The following LRRC17 variants were observed in gnomAD, a reference collection of about 807,000 sequenced individuals.
LRRC17 encodes leucine-rich repeat-containing protein 17.
In LRRC17, 33 loss-of-function variants were observed where a neutral mutation model predicts 41.5. The ratio of observed to expected loss-of-function variants is 0.80; its 90% confidence interval spans 0.60 to 1.06. The LOEUF is 1.06. Among genes scored for constraint, LRRC17 ranks in the 50% least tolerant of loss-of-function variants. The pLI is 0.00. For missense variants in LRRC17, 491 were observed against 519.3 expected, an observed-to-expected ratio of 0.95 and a Z score of 0.53; for synonymous variants, 192 against 197.0, an observed-to-expected ratio of 0.97 and a Z score of 0.21.
intron 1 of LRRC17, among the ~76,000 whole-genome samples, chr7:102,915,356 T>C (rs920812689): frequency 1.3e-5 from 2 of 152,204 alleles, no homozygotes; most frequent in Non-Finnish European, 2.9e-5. Context: ...TTGCTACTAC[T>C]ATGTGAAATG....
intron 1 of LRRC17, among the ~76,000 whole-genome samples, chr7:102,921,186 C>T (rs1200073071): frequency 6.6e-6 from 1 of 151,962 alleles, no homozygotes; most frequent in East Asian, 1.9e-4. Flanking sequence ...GAAACATCAA[C>T]CAGCATAAAG....
At chr7:102,916,876 A>G (rs1815989350) in intron 1 of LRRC17, among the ~76,000 whole-genome samples, 1 of 151,982 alleles carries the variant, frequency 6.6e-6, no homozygotes, top group East Asian at 1.9e-4. Flanking sequence ...TACAATTCTT[A>G]TAGAAACTAC....
At chr7:102,940,798 T>C (rs1490863072) in intron 3 of LRRC17, among the ~76,000 whole-genome samples, 1 of 152,240 alleles carries the variant, frequency 6.6e-6, no homozygotes, top group African/African-American at 2.4e-5. Context: ...TGAGAATTAC[T>C]GCAATATTGA....
chr7:102,919,371 C>A (rs569063535), intron 1 of LRRC17, among the ~76,000 whole-genome samples: 2 of 152,004 alleles, frequency 1.3e-5, no homozygotes, highest in Non-Finnish European at 2.9e-5. Context: ...AAAATCGGAT[C>A]TAAAAATAAA....
chr7:102,925,308 T>C (rs376121202), intron 1 of LRRC17, among the ~76,000 whole-genome samples: 8 of 152,124 alleles, frequency 5.3e-5, no homozygotes, highest in African/African-American at 1.9e-4. Context: ...GGCGGGAGGA[T>C]TGTTTGAAGC....
At chr7:102,915,231 T>C (rs1253448537) in intron 1 of LRRC17, among the ~76,000 whole-genome samples, 1 of 151,870 alleles carries the variant, frequency 6.6e-6, no homozygotes, top group Non-Finnish European at 1.5e-5. Flanking sequence ...TTGTTCCCTT[T>C]AAAGATGTGA....
At chr7:102,941,345 T>C (rs1821382020) in intron 3 of LRRC17, among the ~76,000 whole-genome samples, 1 of 152,106 alleles carries the variant, frequency 6.6e-6, no homozygotes, top group African/African-American at 2.4e-5. Context: ...AGACCCTTTC[T>C]TGCAAGAAAA....
chr7:102,922,122 G>A lies in LRRC17; in HGVS notation c.-141+8977G>A, dbSNP rs377429012. Among the ~76,000 whole-genome samples, 20 of 152,006 alleles carry A rather than the reference G, an allele frequency of 1.3e-4. No individual in the cohort carries two copies. In the East Asian group the frequency reaches 1.4e-3, roughly 10 times the overall value. On this transcript the variant is annotated intron_variant, in intron 1 of 3. Transcript: ENST00000339431. ...GGAGACTTGCTTGAGCCCGCGAGGC[G>A]GAGGTTGCAGTGAGCTGAGGTCGTG...
Position 102,915,636 on chromosome 7 carries a change from G to A in LRRC17, c.-141+2491G>A, listed in dbSNP as rs139149890. On this transcript the variant is annotated intron_variant, in intron 1 of 3. Coordinates refer to ENST00000339431, the MANE Select transcript of LRRC17 (RefSeq NM_001031692.3). The stretch of plus-strand genomic sequence containing the variant: ...CTTTTGGCAGTCAGCTGAGGTCTCT[G>A]GCCCCTTTCTTGGCATAAAGTTTTT... Among the ~76,000 whole-genome samples the A allele has an allele frequency of 1.6e-3, 250 of 152,138 alleles. 2 individuals carry two copies. The highest frequency in any genetic ancestry group is 5.6e-3 in the African/African-American group (233 of 41,510).
rs1044557801 is a variant in LRRC17 at position 102,944,434 on chromosome 7, A to C, written c.1153A>C (p.Lys385Gln). Reference sequence around the variant, plus strand: ...GGAATGCAAAACGCCTGAAGAATACAAAGGATGGTCTGTGGGAAAATATAT... The same window carrying C: ...GGAATGCAAAACGCCTGAAGAATACCAAGGATGGTCTGTGGGAAAATATAT... ...GLECKTPEEY[K>Q]GWSVGKYIRS... Residue 385 changes from lysine to glutamine, a missense_variant, in exon 4 of 4, where the codon AAA becomes CAA. Physicochemically the swap from Lys to Gln is moderately conservative, Grantham distance 53. Coordinates refer to ENST00000339431, the MANE Select transcript of LRRC17 (RefSeq NM_001031692.3). 3.7e-6 allele frequency: 6 copies of C among 1,614,104 alleles called. No homozygotes were observed. The highest frequency in any genetic ancestry group is 2.5e-6 in the Non-Finnish European group (3 of 1,179,976).
At chr7:102,913,325 G>A in intron 1 of LRRC17, 180 bp downstream of exon 1, 1 of 1,344,866 alleles carries the variant, frequency 7.4e-7, no homozygotes, top group Non-Finnish European at 1.0e-6. Context: ...TCTTCTTGCA[G>A]ATGTTCAACA....
At chr7:102,915,263 G>A (rs1266148496) in intron 1 of LRRC17, among the ~76,000 whole-genome samples, 1 of 151,654 alleles carries the variant, frequency 6.6e-6, no homozygotes, top group African/African-American at 2.4e-5. Context: ...GAATACAGAA[G>A]TAACAGTATT....
At chr7:102,940,453 G>A (rs1821208027) in intron 3 of LRRC17, among the ~76,000 whole-genome samples, 1 of 151,390 alleles carries the variant, frequency 6.6e-6, no homozygotes, top group Non-Finnish European at 1.5e-5. Context: ...CTCATGATCC[G>A]CCCACCTCAG....
intron 2 of LRRC17, among the ~76,000 whole-genome samples, chr7:102,936,637 C>T (rs766325980): frequency 1.3e-5 from 2 of 152,186 alleles, no homozygotes; most frequent in Non-Finnish European, 2.9e-5. Flanking sequence ...TACAAAGCTA[C>T]TCTCCTAGAT....
intron 1 of LRRC17, among the ~76,000 whole-genome samples, chr7:102,918,798 C>A (rs1218452291): frequency 6.6e-6 from 1 of 152,174 alleles, no homozygotes; most frequent in East Asian, 1.9e-4. Flanking sequence ...GCTCCCAAAT[C>A]ATCTACTTTG....
intron 1 of LRRC17, among the ~76,000 whole-genome samples, chr7:102,915,124 T>TA (rs778077563): frequency 1.3e-4 from 18 of 137,846 alleles, no homozygotes; most frequent in African/African-American, 5.0e-4. Context: ...ATTAAAATAT[T>TA]TTTTTTTTTT....
Position 102,944,361 on chromosome 7 carries a change from C to T in LRRC17, c.1080C>T (p.Tyr360=), listed in dbSNP as rs149088317. 3.7e-6 allele frequency: 6 copies of T among 1,613,972 alleles called. No individual in the cohort carries two copies. Among genetic ancestry groups the T allele is most frequent in the Non-Finnish European group, 4.2e-6 (5 of 1,179,970 alleles). ...GGAGATGTGACTACAACATTCACTACCTCTACTACTGGTTAAAGCACCACT... is the reference window on the plus strand; with the variant it reads ...GGAGATGTGACTACAACATTCACTATCTCTACTACTGGTTAAAGCACCACT... The part of the protein sequence containing the change: ...NPWRCDYNIH[Y]LYYWLKHHYN... Residue 360 remains tyrosine, a synonymous_variant, in exon 4 of 4, where the codon TAC becomes TAT. Transcript: ENST00000339431.
Position 102,933,961 on chromosome 7 carries a change from T to C in LRRC17, c.48T>C (p.Ala16=). 1 of 1,613,720 alleles carries C rather than the reference T, an allele frequency of 6.2e-7. No homozygotes were observed. The highest frequency in any genetic ancestry group is 8.5e-7 in the Non-Finnish European group (1 of 1,179,724). The change falls in exon 2 of 4, where the codon GCT becomes GCC. Residue 16 remains alanine (A), a synonymous_variant. Coordinates refer to ENST00000339431, the MANE Select transcript of LRRC17 (RefSeq NM_001031692.3). ...IVILLCFCKA[A]ELRKASPGSV... ...TCTTGCTCTGCTTTTGCAAAGCGGC[T>C]GAGCTGCGCAAAGCAAGCCCAGGCA...
intron 1 of LRRC17, chr7:102,931,978 G>A: frequency 1.3e-6 from 2 of 1,577,024 alleles, no homozygotes; most frequent in South Asian, 1.1e-5. Context: ...TATTGCAAAT[G>A]TTTAAACAAA....
Sources: allele counts gnomAD v4.1 joint callset (sites outside exome capture counted in the v4.1 genomes callset), GRCh38; gene constraint gnomAD v4.1.1; transcripts MANE v1.5; gene names NCBI Gene and HGNC (gene_info 2026-07-23, HGNC 2026-07-21).